RIN3: variants seen among roughly 807,000 people sequenced by gnomAD.
RIN3 encodes RAB5 interacting protein 3.
Under a neutral mutation model 76.3 loss-of-function variants are expected in RIN3, and 54 were observed. That is an observed-to-expected ratio of 0.71 (90% confidence interval 0.57 to 0.89). RIN3 has a LOEUF of 0.89. RIN3 is among the 40% of genes least tolerant of loss of function. The pLI is 0.00. For synonymous variants in RIN3, 576 were observed against 564.0 expected, an observed-to-expected ratio of 1.02 and a Z score of -0.30; for missense variants, 1,256 against 1,322.1, an observed-to-expected ratio of 0.95 and a Z score of 0.78.
chr14:92,538,437 T>A, intron 1 of RIN3, among the ~76,000 whole-genome samples: 1 of 152,186 alleles, frequency 6.6e-6, no homozygotes, highest in Non-Finnish European at 1.5e-5. Context: ...GAACCCTTAT[T>A]CTATGCCGGG....
chr14:92,626,513 G>C (rs1416412876), intron 4 of RIN3, among the ~76,000 whole-genome samples: 1 of 152,180 alleles, frequency 6.6e-6, no homozygotes, highest in African/African-American at 2.4e-5. Context: ...CTCTCAAAGG[G>C]AAGAGAGTTG....
At chr14:92,576,448 G>C in intron 2 of RIN3, 2 of 1,270,754 alleles carry the variant, frequency 1.6e-6, no homozygotes, top group Middle Eastern at 2.1e-4. Flanking sequence ...TATCAGAAGA[G>C]AGTAAACCTA....
intron 6 of RIN3, among the ~76,000 whole-genome samples, chr14:92,655,535 C>T (rs143773466): frequency 4.3e-4 from 66 of 152,310 alleles, no homozygotes; most frequent in African/African-American, 1.4e-3. Context: ...GAGATGGGGT[C>T]GTGCAGGGTT....
At chr14:92,569,865 C>T (rs548199562) in intron 2 of RIN3, among the ~76,000 whole-genome samples, 1 of 152,256 alleles carries the variant, frequency 6.6e-6, no homozygotes, top group African/African-American at 2.4e-5. Context: ...CCCTGACCCG[C>T]GTAGACCTGC....
intron 2 of RIN3, among the ~76,000 whole-genome samples, chr14:92,573,199 G>T (rs1898114446): frequency 1.3e-5 from 2 of 152,012 alleles, no homozygotes; most frequent in Non-Finnish European, 2.9e-5. Context: ...TGACTTTTTT[G>T]AATATTGAGG....
intron 9 of RIN3, 128 bp from the exon 10 acceptor site, chr14:92,687,798 A>G (rs1888919749): frequency 2.0e-5 from 16 of 799,238 alleles, no homozygotes; most frequent in South Asian, 7.9e-5. Context: ...GGAAAGGCGC[A>G]GGTGCCGGAC....
chr14:92,582,442 C>CTT (rs35072092), intron 3 of RIN3, among the ~76,000 whole-genome samples: 62,132 of 116,790 alleles, frequency 0.53, 17,856 homozygotes, highest in Non-Finnish European at 0.64. Context: ...TCCTTTTTTA[C>CTT]TTTTTTTTTT....
At chr14:92,609,558 C>T (rs113607516) in intron 3 of RIN3, among the ~76,000 whole-genome samples, 28 of 152,276 alleles carry the variant, frequency 1.8e-4, no homozygotes, top group African/African-American at 5.3e-4. Flanking sequence ...GTAGGCTGGC[C>T]GGCTCCCTGC....
intron 3 of RIN3, among the ~76,000 whole-genome samples, chr14:92,596,559 G>A (rs1444908820): frequency 6.6e-6 from 1 of 152,226 alleles, no homozygotes; most frequent in Non-Finnish European, 1.5e-5. Context: ...CAGAGAGGAA[G>A]TAGAGGAGTT....
At chr14:92,645,605 A>C (rs1425430383) in intron 5 of RIN3, among the ~76,000 whole-genome samples, 1 of 152,226 alleles carries the variant, frequency 6.6e-6, no homozygotes, top group East Asian at 1.9e-4. Flanking sequence ...GGCTGCATAG[A>C]AAGGGGGATG....
intron 1 of RIN3, among the ~76,000 whole-genome samples, chr14:92,535,552 T>C (rs1014540011): frequency 6.6e-6 from 1 of 152,036 alleles, no homozygotes; most frequent in Admixed American, 6.5e-5. Flanking sequence ...CGCACGTGCA[T>C]ACTGTTTAAG....
intron 1 of RIN3, among the ~76,000 whole-genome samples, chr14:92,527,315 G>A (rs1896765378): frequency 6.6e-6 from 1 of 152,060 alleles, no homozygotes; most frequent in Admixed American, 6.5e-5. Context: ...GCCTCCCAAA[G>A]TGCTGGGATT....
chr14:92,665,420 C>T (rs1888054999), intron 7 of RIN3, among the ~76,000 whole-genome samples: 1 of 141,008 alleles, frequency 7.1e-6, no homozygotes, highest in African/African-American at 2.7e-5. Context: ...GCTCTATCGC[C>T]CAGGCTGGAG....
intron 3 of RIN3, among the ~76,000 whole-genome samples, chr14:92,608,588 G>A (rs1053715384): frequency 5.3e-5 from 8 of 151,604 alleles, no homozygotes; most frequent in Non-Finnish European, 1.0e-4. Flanking sequence ...AGGCTGGAGT[G>A]CAGTGGCACG....
chr14:92,658,343 C>T (rs780681796), intron 6 of RIN3, among the ~76,000 whole-genome samples: 3 of 152,240 alleles, frequency 2.0e-5, no homozygotes, highest in Admixed American at 2.0e-4. Flanking sequence ...GGAGCAAAGG[C>T]CCCGGGGCAG....
chr14:92,658,330 G>A (rs567541871), intron 6 of RIN3, among the ~76,000 whole-genome samples: 8 of 152,362 alleles, frequency 5.3e-5, no homozygotes, highest in East Asian at 3.9e-4. Flanking sequence ...AAAGGGAACC[G>A]CAGGAGCAAA....
intron 3 of RIN3, among the ~76,000 whole-genome samples, chr14:92,606,045 C>T (rs1342728791): frequency 6.6e-6 from 1 of 151,578 alleles, no homozygotes; most frequent in Non-Finnish European, 1.5e-5. Context: ...GTGGCATGCA[C>T]CTGTAATATA....
intron 7 of RIN3, among the ~76,000 whole-genome samples, chr14:92,660,408 CT>C (rs753689615): frequency 5.3e-5 from 8 of 152,104 alleles, no homozygotes; most frequent in Non-Finnish European, 7.4e-5. Flanking sequence ...CTGGGATGGC[CT>C]TGCCCACTTG....
At chr14:92,523,004 C>A (rs192292698) in intron 1 of RIN3, among the ~76,000 whole-genome samples, 1 of 152,292 alleles carries the variant, frequency 6.6e-6, no homozygotes, top group Admixed American at 6.5e-5. Context: ...CAGGATAGAA[C>A]AACAATATAT....
Sources: allele counts gnomAD v4.1 joint callset (sites outside exome capture counted in the v4.1 genomes callset), GRCh38; gene constraint gnomAD v4.1.1; transcripts MANE v1.5; gene names NCBI Gene and HGNC (gene_info 2026-07-23, HGNC 2026-07-21).